KNDC1: variants seen among roughly 807,000 people sequenced by gnomAD.
KNDC1 encodes the protein kinase non-catalytic C-lobe domain containing 1, also known as kinase non-catalytic C-lobe domain-containing protein 1.
KNDC1 carries 106 observed loss-of-function variants against 172.8 expected under a neutral mutation model. That is an observed-to-expected ratio of 0.61 (90% CI 0.52 to 0.72). The LOEUF (loss-of-function observed/expected upper bound fraction) is 0.72, where lower values mean the gene tolerates loss of function less well. Ranked by LOEUF, KNDC1 falls within the 30% of genes least tolerant of loss-of-function variation. KNDC1 has a pLI of 0.00. For missense variants in KNDC1, 2,325 were observed against 2,394.5 expected, an observed-to-expected ratio of 0.97 and a Z score of 0.61; for synonymous variants, 1,083 against 1,062.2, an observed-to-expected ratio of 1.02 and a Z score of -0.38.
chr10:133,207,524 G>A (rs1009190687), intron 20 of KNDC1, among the ~76,000 whole-genome samples, 173 bp downstream of exon 20: 5 of 152,258 alleles, frequency 3.3e-5, no homozygotes, highest in African/African-American at 4.8e-5. Context: ...CAGCTTTGCA[G>A]AGCCCTGGCC....
chr10:133,200,516 C>T, intron 16 of KNDC1, 56 bp downstream of exon 16: 1 of 1,300,612 alleles, frequency 7.7e-7, no homozygotes, highest in Admixed American at 3.2e-5. Context: ...CCTCTGTGCT[C>T]TCTGCAATGC....
In KNDC1 at chr10:133,224,359, C is replaced by T. The variant is rs1564904651; in HGVS notation, c.5019-300C>T. 6.6e-6 allele frequency among the ~76,000 whole-genome samples: 1 copy of T among 152,138 alleles called. No individual in the cohort carries two copies. The highest frequency in any genetic ancestry group is 1.5e-5 in the Non-Finnish European group (1 of 68,040). ...CCTGCCTCGTCCTCTCAGCTGCAGC[C>T]CCTGCGGCAGACTGGGCTTGACTCT... On this transcript the variant is annotated intron_variant, in intron 29 of 29. Coordinates refer to ENST00000304613, the MANE Select transcript of KNDC1 (RefSeq NM_152643.8). The surrounding 1 kb of genome is among the most constrained non-coding windows in gnomAD (Gnocchi z 5.4).
In KNDC1 at chr10:133,225,086, G is replaced by A; in HGVS notation, c.*196G>A. 1.7e-6 allele frequency: 1 copy of A among 591,764 alleles called. No individual in the cohort carries two copies. Among genetic ancestry groups the A allele is most frequent in the South Asian group, 2.0e-5 (1 of 50,248 alleles). 36.7% of individuals were successfully genotyped at this position (591,764 alleles called of 1,614,324 possible). A position where few individuals can be genotyped will look rare whatever the true frequency, so the allele number is the denominator to read the frequency against. The stretch of plus-strand genomic sequence containing the variant: ...AGCTGGTCTCCTCCCAGCAGACGGA[G>A]CCAGGACGGGCACAAGAGTCTTGGA... On this transcript the variant is annotated 3_prime_UTR_variant, in exon 30 of 30. Transcript: ENST00000304613.
rs1237008516 is a variant in KNDC1 at position 133,190,296 on chromosome 10, CCACCCTGCATTAAA to C, written c.1575+493_1575+506del. On this transcript the variant is annotated intron_variant, in intron 9 of 29. Transcript: ENST00000304613. ...CCCTGCAATAAGCACCCTGCGCTAACCACCCTGCATTAAACACCCTGCAGTAAGCACCCTGCACT... is the reference window on the plus strand; with the variant it reads ...CCCTGCAATAAGCACCCTGCGCTAACCACCCTGCAGTAAGCACCCTGCACT... 5.9e-5 allele frequency among the ~76,000 whole-genome samples: 8 copies of C among 136,058 alleles called. No individual in the cohort carries two copies. The East Asian group carries it at 1.6e-3, about 27-fold the overall frequency. 89.3% of individuals were successfully genotyped at this position (136,058 alleles called of 152,430 possible). A position where few individuals can be genotyped will look rare whatever the true frequency, so the allele number is the denominator to read the frequency against.
At chr10:133,199,629 C>G in intron 15 of KNDC1, 27 bp downstream of exon 15, 1 of 1,608,494 alleles carries the variant, frequency 6.2e-7, no homozygotes, top group Non-Finnish European at 8.5e-7. Context: ...GCCCTGCATT[C>G]CCGCCCCTCC....
intron 26 of KNDC1, among the ~76,000 whole-genome samples, chr10:133,215,565 G>T (rs1396363948): frequency 1.3e-5 from 2 of 152,226 alleles, no homozygotes; most frequent in African/African-American, 4.8e-5. Context: ...ATGAAAATGC[G>T]ATTTCCCTAA....
At chr10:133,169,963 C>A (rs112480893) in intron 3 of KNDC1, among the ~76,000 whole-genome samples, 31 of 152,348 alleles carry the variant, frequency 2.0e-4, no homozygotes, top group African/African-American at 7.0e-4. Flanking sequence ...CCTCCAAGTC[C>A]TGTTGTTTCC....
chr10:133,212,817 C>A lies in KNDC1; in HGVS notation c.4338C>A (p.Leu1446=), dbSNP rs368779457. Residue 1446 remains leucine (L), a synonymous_variant, in exon 24 of 30, where the codon CTC becomes CTA. Transcript: ENST00000304613. ...CCGCCCTGCCCAAGCCCTGCTTCCT[C>A]GAGGACTTCTACGGCCCCTGCGCCA... The part of the protein sequence containing the change: ...IAAALPKPCF[L]EDFYGPCAKT... The A allele has an allele frequency of 1.2e-6, 2 of 1,614,012 alleles. No individual in the cohort carries two copies. The highest frequency in any genetic ancestry group is 1.7e-6 in the Non-Finnish European group (2 of 1,179,966).
Position 133,220,992 on chromosome 10 carries a change from C to A in KNDC1, c.5018+880C>A, listed in dbSNP as rs577992121. Among the ~76,000 whole-genome samples, 4 of 152,230 alleles carry A rather than the reference C, an allele frequency of 2.6e-5. No homozygotes were observed. The East Asian group carries it at 5.8e-4, about 22-fold the overall frequency. On this transcript the variant is annotated intron_variant, in intron 29 of 29. Coordinates refer to ENST00000304613, the MANE Select transcript of KNDC1 (RefSeq NM_152643.8). ...TCAGACCTCCCTCTACCCAAGATAA[C>A]CTCCAGCCACCTCCTTCTCTGCAAA...
rs748107749 is a variant in KNDC1 at position 133,183,862 on chromosome 10, C to T, written c.508-10C>T. ...CCGAGCCTTCCTGTCTGAGGTGTTC[C>T]CGTCCCCAGAGCATCATCGCGCTGT... On this transcript the variant is annotated splice_polypyrimidine_tract_variant and intron_variant, in intron 4 of 29. Coordinates refer to ENST00000304613, the MANE Select transcript of KNDC1 (RefSeq NM_152643.8). 9 of 1,560,568 alleles carry T rather than the reference C, an allele frequency of 5.8e-6. No homozygotes were observed. In the Middle Eastern group the frequency reaches 1.5e-3, roughly 261 times the overall value.
At chr10:133,164,319 T>C (rs10857678) in intron 1 of KNDC1, 73,134 of 152,168 alleles carry the variant, frequency 0.48, 18,013 homozygotes, top group Admixed American at 0.6. Flanking sequence ...CTGGGCCTGC[T>C]CAAGAGGCTG....
chr10:133,161,173 C>T (rs923327383), intron 1 of KNDC1, among the ~76,000 whole-genome samples: 1 of 152,192 alleles, frequency 6.6e-6, no homozygotes, highest in South Asian at 2.1e-4. Flanking sequence ...CCAGACGCCA[C>T]CTTGGCTGGG....
chr10:133,202,037 C>A, intron 17 of KNDC1, 139 bp downstream of exon 17: 1 of 1,014,924 alleles, frequency 9.9e-7, no homozygotes, highest in Non-Finnish European at 1.5e-6. Flanking sequence ...GCCCCCACCC[C>A]GTGGCTGTCA....
intron 28 of KNDC1, 129 bp from the exon 29 acceptor site, chr10:133,219,826 C>A: frequency 2.2e-6 from 2 of 890,098 alleles, no homozygotes; most frequent in Non-Finnish European, 3.3e-6. Flanking sequence ...ATTCAGAGAG[C>A]CGGGTAGACC....
In KNDC1 at chr10:133,226,305, G is replaced by A. The variant is rs746577526; in HGVS notation, c.*1415G>A. 1 of 152,196 alleles carries A rather than the reference G, an allele frequency of 6.6e-6. No individual in the cohort carries two copies. The highest frequency in any genetic ancestry group is 1.5e-5 in the Non-Finnish European group (1 of 68,052). 9.4% of individuals were successfully genotyped at this position (152,196 alleles called of 1,614,324 possible). On this transcript the variant is annotated 3_prime_UTR_variant, in exon 30 of 30. Transcript: ENST00000304613. ...GCTCAGTGCAAATCAACATTCCAGC[G>A]GTCAGGACTGACCCCGGGGCAGCAC... is the stretch of plus-strand genomic sequence containing the variant.
intron 17 of KNDC1, among the ~76,000 whole-genome samples, chr10:133,203,513 C>T (rs576414692): frequency 3.3e-5 from 5 of 152,384 alleles, no homozygotes; most frequent in Admixed American, 6.5e-5. Flanking sequence ...CAGCGAGGGC[C>T]GTTCTCTGGG....
At chr10:133,185,848 G>GGCGGGGTGGGAGGA in intron 5 of KNDC1, 126 bp from the exon 6 acceptor site, 1 of 65,054 alleles carries the variant, frequency 1.5e-5, no homozygotes, top group Non-Finnish European at 3.1e-5. Context: ...AGAGGGGAGG[G>GGCGGGGTGGGAGGA]GAGGGGAGAG....
chr10:133,196,479 G>T (rs1484227115), intron 10 of KNDC1, among the ~76,000 whole-genome samples: 3 of 152,044 alleles, frequency 2.0e-5, no homozygotes, highest in Non-Finnish European at 4.4e-5. Context: ...GTGTCTGGGG[G>T]AGCGGAGACG....
intron 1 of KNDC1, 79 bp downstream of exon 1, chr10:133,160,648 G>A: frequency 3.1e-6 from 3 of 961,292 alleles, no homozygotes; most frequent in Non-Finnish European, 4.5e-6. Flanking sequence ...GGACCCGGGA[G>A]GGGCTGTGAG....
Sources: gnomAD v4.1 joint callset for allele counts (sites outside exome capture counted in the v4.1 genomes callset) on GRCh38, gnomAD v4.1.1 for gene constraint, Gnocchi (gnomAD v3.1) non-coding constraint, MANE v1.5 for transcripts, NCBI Gene and HGNC (gene_info 2026-07-23, HGNC 2026-07-21) for gene names.